Variants in CSMD1 observed in about 807,000 individuals in gnomAD.
CSMD1 encodes the protein CUB and sushi domain-containing protein 1.
A neutral mutation model predicts 417.5 loss-of-function variants in CSMD1; 213 were observed. The ratio of observed to expected loss-of-function variants is 0.51; its 90% CI spans 0.46 to 0.57. The LOEUF is 0.57. CSMD1 is among the 20% of genes least tolerant of loss of function. The pLI, the probability that CSMD1 is intolerant of heterozygous loss-of-function variation, is 0.00. For missense variants in CSMD1, 6,923 were observed against 4,529.7 expected (o/e 1.53, Z -15.17); for synonymous variants, 2,862 against 1,736.8 (o/e 1.65, Z -16.11).
rs945577963 is a variant in CSMD1, at chr8:4,741,333, G to A, written c.86-103775C>T. ...TTAAAAACAGGGAATTTTTCTCTCA[G>A]ACCATACTATGTCTACATTATTCTA... On this transcript the variant is annotated intron_variant, in intron 1 of 69. Transcript: ENST00000635120. Among the ~76,000 whole-genome samples the A allele has an allele frequency of 2.0e-5, 3 of 152,132 alleles. No homozygotes were observed. In the East Asian group the frequency reaches 5.8e-4, roughly 29 times the overall value.
At chr8:3,299,613 C>T (rs946707409) in intron 25 of CSMD1, among the ~76,000 whole-genome samples, 1 of 152,020 alleles carries the variant, frequency 6.6e-6, no homozygotes, top group African/African-American at 2.4e-5. Flanking sequence ...TTCTGCCTCA[C>T]AAAGTGTGGG....
chr8:4,567,695 A>G (rs2130641174), intron 2 of CSMD1, among the ~76,000 whole-genome samples: 1 of 152,262 alleles, frequency 6.6e-6, no homozygotes, highest in East Asian at 1.9e-4. Context: ...TTCACAATAC[A>G]TTATAGCTGG....
At chr8:3,056,560 G>A (rs1812238814) in intron 49 of CSMD1, among the ~76,000 whole-genome samples, 2 of 151,908 alleles carry the variant, frequency 1.3e-5, no homozygotes, top group South Asian at 4.2e-4. Context: ...TGGAGAGACT[G>A]AGTCCCACTA....
At chr8:3,654,217 T>G (rs1208927328) in intron 7 of CSMD1, among the ~76,000 whole-genome samples, 3 of 152,214 alleles carry the variant, frequency 2.0e-5, no homozygotes, top group Non-Finnish European at 4.4e-5. Context: ...TCAGTTTGAC[T>G]GAATTGTATG....
chr8:3,231,999 T>C (rs1798867615), intron 26 of CSMD1, among the ~76,000 whole-genome samples: 1 of 152,216 alleles, frequency 6.6e-6, no homozygotes, highest in African/African-American at 2.4e-5. Flanking sequence ...TGTTATTACA[T>C]TGAAATATAT....
chr8:3,877,692 T>A (rs965714371), intron 5 of CSMD1, among the ~76,000 whole-genome samples: 1 of 152,182 alleles, frequency 6.6e-6, no homozygotes, highest in African/African-American at 2.4e-5. Flanking sequence ...GGCTTGTACA[T>A]TTTATATATT....
intron 3 of CSMD1, among the ~76,000 whole-genome samples, chr8:4,328,228 T>G (rs1847570): frequency 1.3e-5 from 2 of 148,846 alleles, no homozygotes; most frequent in East Asian, 4.0e-4. Context: ...CCCAATTACA[T>G]TGCACTCAAT....
intron 2 of CSMD1, among the ~76,000 whole-genome samples, chr8:4,451,428 A>T (rs552604050): frequency 1.3e-5 from 2 of 152,190 alleles, no homozygotes; most frequent in African/African-American, 2.4e-5. Flanking sequence ...CCACACTGAA[A>T]AAGTGGTCAG....
In CSMD1 at chr8:4,913,647, C is replaced by A. The variant is rs373077852; in HGVS notation, c.85+80685G>T. ...GCTGGACCAAGACTGAGTTCTGCGT[C>A]AACCAGATGTACTGTGCAGATTAGA... On this transcript the variant is annotated intron_variant, in intron 1 of 69. Transcript: ENST00000635120. Among the ~76,000 whole-genome samples, 38 of 152,300 alleles carry A rather than the reference C, an allele frequency of 2.5e-4. 1 individual carries two copies. In the East Asian group the frequency reaches 3.5e-3, roughly 14 times the overall value.
chr8:4,534,769 T>C (rs1797015565), intron 2 of CSMD1, among the ~76,000 whole-genome samples: 1 of 152,160 alleles, frequency 6.6e-6, no homozygotes, highest in Admixed American at 6.5e-5. Context: ...TCTTTCTTTC[T>C]TTCCTTTTTT....
chr8:4,883,297 T>C (rs1413021818), intron 1 of CSMD1, among the ~76,000 whole-genome samples: 1 of 152,104 alleles, frequency 6.6e-6, no homozygotes, highest in African/African-American at 2.4e-5. Flanking sequence ...GAGTTACAGA[T>C]AAATGTATAT....
At chr8:4,105,836 G>T (rs1226769216) in intron 3 of CSMD1, among the ~76,000 whole-genome samples, 1 of 152,180 alleles carries the variant, frequency 6.6e-6, no homozygotes, top group Non-Finnish European at 1.5e-5. Context: ...TTTTGCTGAG[G>T]CCATGACCCT....
Position 4,677,697 on chromosome 8 carries a change from C to T in CSMD1, c.86-40139G>A, listed in dbSNP as rs190667086. 8.5e-5 allele frequency among the ~76,000 whole-genome samples: 13 copies of T among 152,080 alleles called. No homozygotes were observed. In the East Asian group the frequency reaches 1.7e-3, roughly 20 times the overall value. ...TTTCATGAGTTCTACTTTGACTCAC[C>T]GTTAGATGCAGAAAACCCATTAGAG... On this transcript the variant is annotated intron_variant, in intron 1 of 69. Coordinates refer to ENST00000635120, the MANE Select transcript of CSMD1 (RefSeq NM_033225.6).
intron 3 of CSMD1, among the ~76,000 whole-genome samples, chr8:4,191,547 A>G (rs567885167): frequency 9.5e-4 from 144 of 152,310 alleles, no homozygotes; most frequent in African/African-American, 3.4e-3. Flanking sequence ...CATCTGAACT[A>G]CAACTGAAAA....
At chr8:4,342,224 TG>T in intron 3 of CSMD1, among the ~76,000 whole-genome samples, 1 of 11,258 alleles carries the variant, frequency 8.9e-5, no homozygotes, top group South Asian at 1.1e-3. Flanking sequence ...TGTGTGTGTG[TG>T]TGTGTGTCTG....
chr8:3,834,526 A>G (rs1038438259), intron 5 of CSMD1, among the ~76,000 whole-genome samples: 1 of 152,230 alleles, frequency 6.6e-6, no homozygotes, highest in East Asian at 1.9e-4. Context: ...TAGAAGCTGC[A>G]CTGTGCGTCT....
chr8:4,167,143 T>C (rs1338594869), intron 3 of CSMD1, among the ~76,000 whole-genome samples: 1 of 151,580 alleles, frequency 6.6e-6, no homozygotes, highest in East Asian at 1.9e-4. Flanking sequence ...TTAGGTGACA[T>C]TTTTTTTTCT....
chr8:4,429,923 G>C (rs1488403791), intron 2 of CSMD1, among the ~76,000 whole-genome samples: 2 of 152,062 alleles, frequency 1.3e-5, no homozygotes, highest in African/African-American at 2.4e-5. Context: ...TCAATCAGTG[G>C]TCACCCATCA....
chr8:3,795,091 A>ATG (rs1799974853), intron 5 of CSMD1, among the ~76,000 whole-genome samples: 1 of 109,628 alleles, frequency 9.1e-6, no homozygotes, highest in African/African-American at 3.2e-5. Context: ...AGCTATAGAT[A>ATG]TATATCTATC....
Sources: gnomAD v4.1 joint callset for allele counts (sites outside exome capture counted in the v4.1 genomes callset) on GRCh38, gnomAD v4.1.1 for gene constraint, MANE v1.5 for transcripts, NCBI Gene and HGNC (gene_info 2026-07-23, HGNC 2026-07-21) for gene names.